The following TBCD variants were observed in gnomAD, a reference collection of about 807,000 sequenced individuals.
TBCD encodes tubulin-specific chaperone D.
TBCD carries 105 observed loss-of-function variants against 169.3 expected under a neutral mutation model. The observed-to-expected ratio is 0.62, with a 90% confidence interval of 0.53 to 0.73. TBCD has a LOEUF of 0.73. Ranked by LOEUF, TBCD falls within the 30% of genes least tolerant of loss-of-function variation. TBCD has a pLI of 0.00. For synonymous variants in TBCD, 700 were observed against 643.9 expected (o/e 1.09, Z -1.32); for missense variants, 1,444 against 1,600.1 (o/e 0.90, Z 1.66).
Position 82,943,713 on chromosome 17 carries a change from T to G in TBCD, c.*1250T>G, listed in dbSNP as rs984464517. ...GTGACGACCTGGCCACACAGGAGTG[T>G]GGGGTTAACACACTACTGTTGTTGT... On this transcript the variant is annotated 3_prime_UTR_variant, in exon 39 of 39. Coordinates refer to ENST00000355528, the MANE Select transcript of TBCD (RefSeq NM_005993.5). 1 of 152,214 alleles carries G rather than the reference T, an allele frequency of 6.6e-6. No homozygotes were observed. Among genetic ancestry groups the G allele is most frequent in the Non-Finnish European group, 1.5e-5 (1 of 68,042 alleles). The allele number at this position is 152,214 out of a possible 1,614,324, so 9.4% of individuals were successfully genotyped here.
chr17:82,838,533 G>A (rs1488677365), intron 13 of TBCD: 1 of 553,498 alleles, frequency 1.8e-6, no homozygotes, highest in Non-Finnish European at 2.3e-6. Context: ...AGGGCATGCT[G>A]TAATTACAAT....
At position 82,925,888 on chromosome 17, in the gene TBCD, C is replaced by T. The variant is rs542879655; in HGVS notation, c.2380-512C>T. On this transcript the variant is annotated intron_variant, in intron 27 of 38. Coordinates refer to ENST00000355528, the MANE Select transcript of TBCD (RefSeq NM_005993.5). ...GGGTGTGGCCAGACCCCCAGTGACA[C>T]CCTGGGGTGGGGGCTGGCCGTGGAG... 2.0e-5 allele frequency among the ~76,000 whole-genome samples: 3 copies of T among 152,230 alleles called. No homozygotes were observed. In the East Asian group the frequency reaches 5.8e-4, roughly 30 times the overall value.
chr17:82,844,022 T>C (rs1486331729), intron 13 of TBCD, among the ~76,000 whole-genome samples: 1 of 152,258 alleles, frequency 6.6e-6, no homozygotes, highest in Non-Finnish European at 1.5e-5. Flanking sequence ...CTTAACTTTA[T>C]ATTTCAACAC....
At chr17:82,852,898 G>A (rs116781950) in intron 13 of TBCD, among the ~76,000 whole-genome samples, 1,543 of 152,230 alleles carry the variant, frequency 0.01, 33 homozygotes, top group African/African-American at 0.034. Context: ...AGGACTGTTC[G>A]GAAAGTTAAG....
rs139015738 is a variant in TBCD, at chr17:82,814,881, C to G, written c.1265C>G (p.Ala422Gly). 1 of 1,613,530 alleles carries G rather than the reference C, an allele frequency of 6.2e-7. No homozygotes were observed. Among genetic ancestry groups the G allele is most frequent in the South Asian group, 1.1e-5 (1 of 91,020 alleles). Residue 422 changes from alanine to glycine, a missense_variant, in exon 13 of 39, where the codon GCG becomes GGG. Physicochemically the swap from Ala to Gly is moderately conservative, Grantham distance 60 (BLOSUM62 0). Coordinates refer to ENST00000355528, the MANE Select transcript of TBCD (RefSeq NM_005993.5). The stretch of plus-strand genomic sequence containing the variant: ...AAGGCGTGGCATGGGGGATGTCTGG[C>G]GCTGGCAGAGCTGGGCAGGAGAGGC... Reference protein sequence around the residue: ...TDKAWHGGCLALAELGRRGLL... With the variant: ...TDKAWHGGCLGLAELGRRGLL...
intron 15 of TBCD, among the ~76,000 whole-genome samples, chr17:82,887,163 G>GCGCGCGCGCGCGCGCGCGCA (rs2058784002): frequency 2.8e-5 from 3 of 107,156 alleles, no homozygotes; most frequent in African/African-American, 5.0e-5. Context: ...GTGTGTGTGT[G>GCGCGCGCGCGCGCGCGCGCA]TGTGTGCGCG....
chr17:82,784,617 C>G (rs1334378381), intron 7 of TBCD, among the ~76,000 whole-genome samples: 1 of 152,124 alleles, frequency 6.6e-6, no homozygotes, highest in East Asian at 1.9e-4. Context: ...TGCCTTGGGT[C>G]TCACTGAGGA....
intron 13 of TBCD, among the ~76,000 whole-genome samples, chr17:82,866,151 G>A (rs1032865671): frequency 2.0e-4 from 30 of 152,176 alleles, no homozygotes; most frequent in African/African-American, 6.5e-4. Flanking sequence ...TGTTCCACAC[G>A]CCCCTCCCCG....
At chr17:82,938,543 T>A (rs1355461445) in intron 36 of TBCD, among the ~76,000 whole-genome samples, 1 of 152,228 alleles carries the variant, frequency 6.6e-6, no homozygotes, top group Non-Finnish European at 1.5e-5. Flanking sequence ...AAAGGTGACA[T>A]TTTCCTAAAA....
intron 27 of TBCD, 122 bp from the exon 28 acceptor site, chr17:82,926,278 G>A (rs1426571221): frequency 3.4e-6 from 3 of 882,186 alleles, no homozygotes; most frequent in Non-Finnish European, 5.4e-6. Flanking sequence ...GAGGAAGGTG[G>A]TGCCAGGAGC....
At chr17:82,823,978 A>G (rs1293622423) in intron 13 of TBCD, among the ~76,000 whole-genome samples, 1 of 151,916 alleles carries the variant, frequency 6.6e-6, no homozygotes, top group Non-Finnish European at 1.5e-5. Context: ...TTTCTGCTTG[A>G]AAAAGGACTT....
rs1459559143 is a variant in TBCD, at chr17:82,943,469, A to C, written c.*1006A>C. 1 of 151,254 alleles carries C rather than the reference A, an allele frequency of 6.6e-6. No individual in the cohort carries two copies. Among genetic ancestry groups the C allele is most frequent in the East Asian group, 1.9e-4 (1 of 5,174 alleles). 9.4% of individuals were successfully genotyped at this position (151,254 alleles called of 1,614,324 possible). On this transcript the variant is annotated 3_prime_UTR_variant, in exon 39 of 39. Coordinates refer to ENST00000355528, the MANE Select transcript of TBCD (RefSeq NM_005993.5). The stretch of plus-strand genomic sequence containing the variant: ...GGCTTGGGTGAGCAACCCTTTCCCT[A>C]TGTGAGGAGCCCAGGGGTGCCATGT...
chr17:82,765,724 T>A (rs967737622), intron 3 of TBCD, among the ~76,000 whole-genome samples: 4 of 152,244 alleles, frequency 2.6e-5, no homozygotes, highest in Non-Finnish European at 5.9e-5. Flanking sequence ...TAGGCACTTA[T>A]TCCTCATAAA....
intron 13 of TBCD, among the ~76,000 whole-genome samples, chr17:82,844,249 G>T (rs948075814): frequency 6.7e-6 from 1 of 149,082 alleles, no homozygotes; most frequent in African/African-American, 2.5e-5. Flanking sequence ...AAAGACCTGG[G>T]GTCTTGCTGT....
intron 13 of TBCD, among the ~76,000 whole-genome samples, chr17:82,822,207 G>T (rs1047832587): frequency 6.6e-6 from 1 of 152,258 alleles, no homozygotes; most frequent in East Asian, 1.9e-4. Context: ...GCTCTTGGCA[G>T]TTGAGGTGAG....
intron 34 of TBCD, among the ~76,000 whole-genome samples, chr17:82,936,499 G>T (rs1458330000): frequency 6.6e-6 from 1 of 152,178 alleles, no homozygotes; most frequent in Non-Finnish European, 1.5e-5. Flanking sequence ...GTCTGGTATT[G>T]TGTTCTCTCG....
At position 82,752,307 on chromosome 17, in the gene TBCD, G is replaced by A; in HGVS notation, c.114G>A (p.Ala38=). 1 of 1,492,854 alleles carries A rather than the reference G, an allele frequency of 6.7e-7. No individual in the cohort carries two copies. Among genetic ancestry groups the A allele is most frequent in the Non-Finnish European group, 8.9e-7 (1 of 1,129,344 alleles). 92.5% of individuals were successfully genotyped at this position (1,492,854 alleles called of 1,614,324 possible). ...TCGGCGAGAGCGCGGAGACCCGGGC[G>A]CTGCTGGGCCGCCTGCGGGAGGTGC... The part of the protein sequence containing the change: ...EAFGESAETR[A]LLGRLREVHG... Residue 38 remains alanine, a synonymous_variant, in exon 1 of 39, where the codon GCG becomes GCA. Transcript: ENST00000355528.
rs2061370541 is a variant in TBCD at position 82,920,744 on chromosome 17, G to A, written c.2101+126G>A. The A allele has an allele frequency of 4.5e-6, 4 of 897,602 alleles. No homozygotes were observed. The Admixed American group carries it at 8.2e-5, about 18-fold the overall frequency. The allele number at this position is 897,602 out of a possible 1,614,324, so 55.6% of individuals were successfully genotyped here. A position where few individuals can be genotyped will look rare whatever the true frequency, so the allele number is the denominator to read the frequency against. Reference sequence around the variant, plus strand: ...GCTTAAAGGTTCAAGATATTAATCGGATACGTTGCCTTGAAGTTGTTACAA... The same window carrying A: ...GCTTAAAGGTTCAAGATATTAATCGAATACGTTGCCTTGAAGTTGTTACAA... On this transcript the variant is annotated intron_variant, in intron 24 of 38. Transcript: ENST00000355528. This position sits in a 1 kb window ranked among gnomAD's most constrained non-coding sequence, Gnocchi z 4.1.
At chr17:82,767,339 G>GC (rs1303560443) in intron 4 of TBCD, among the ~76,000 whole-genome samples, 8 of 152,102 alleles carry the variant, frequency 5.3e-5, no homozygotes, top group Non-Finnish European at 7.4e-5. Flanking sequence ...TACTTCTAGC[G>GC]CCCCCCAGTG....
Sources: gnomAD v4.1 joint callset for allele counts (sites outside exome capture counted in the v4.1 genomes callset) on GRCh38, gnomAD v4.1.1 for gene constraint, Gnocchi (gnomAD v3.1) non-coding constraint, MANE v1.5 for transcripts, NCBI Gene and HGNC (gene_info 2026-07-23, HGNC 2026-07-21) for gene names.